The following PDE3B variants were observed in gnomAD, a reference collection of about 807,000 sequenced individuals.
PDE3B encodes the protein phosphodiesterase 3B.
A neutral mutation model predicts 116.8 loss-of-function variants in PDE3B; 66 were observed. The ratio of observed to expected loss-of-function variants is 0.56; its 90% confidence interval spans 0.46 to 0.69. The LOEUF (loss-of-function observed/expected upper bound fraction) is 0.69. Ranked by LOEUF, PDE3B falls within the 30% of genes least tolerant of loss-of-function variation. The pLI is 0.00. For synonymous variants in PDE3B, 595 were observed against 533.6 expected, an observed-to-expected ratio of 1.12 and a Z score of -1.59; for missense variants, 1,384 against 1,368.1, an observed-to-expected ratio of 1.01 and a Z score of -0.18.
At chr11:14,665,556 C>A (rs1854110411) in intron 1 of PDE3B, among the ~76,000 whole-genome samples, 1 of 152,288 alleles carries the variant, frequency 6.6e-6, no homozygotes. Flanking sequence ...AGCTGATAAG[C>A]AACTTCAGCA....
intron 1 of PDE3B, among the ~76,000 whole-genome samples, chr11:14,762,227 T>TC (rs370817055): frequency 6.6e-6 from 1 of 152,044 alleles, no homozygotes; most frequent in African/African-American, 2.4e-5. Flanking sequence ...CAAATACTCC[T>TC]CCTGCCTGGT....
chr11:14,892,242 T>C, the PDE3B span: 2 of 1,585,282 alleles, frequency 1.3e-6, no homozygotes, highest in Non-Finnish European at 1.7e-6. Flanking sequence ...ACAGCAGCCC[T>C]GAGACCCAGG....
chr11:14,708,221 C>T (rs1855588290), intron 1 of PDE3B, among the ~76,000 whole-genome samples: 1 of 152,018 alleles, frequency 6.6e-6, no homozygotes, highest in Admixed American at 6.6e-5. Context: ...CCATCTCTCT[C>T]TTGCTTCTTT....
At chr11:14,872,770 G>A (rs1203582011), downstream of PDE3B, among the ~76,000 whole-genome samples, 2 of 152,046 alleles carry the variant, frequency 1.3e-5, no homozygotes, top group African/African-American at 4.8e-5. Flanking sequence ...ACAAAAAGTT[G>A]GCCCTCTCTA....
chr11:14,832,235 A>G lies in PDE3B; in HGVS notation c.2094+458A>G, dbSNP rs112101851. 4.0e-3 allele frequency among the ~76,000 whole-genome samples: 609 copies of G among 152,332 alleles called. 8 individuals are homozygous for G. Among genetic ancestry groups the G allele is most frequent in the African/African-American group, 0.014 (593 of 41,580 alleles). ...ATACCTGATGGGTCCGCATAACAGC[A>G]TCAGATTAACTGCCCCAAAATATTA... On this transcript the variant is annotated intron_variant, in intron 9 of 15. Transcript: ENST00000282096.
chr11:14,687,314 A>C (rs1854906195), intron 1 of PDE3B, among the ~76,000 whole-genome samples: 3 of 152,208 alleles, frequency 2.0e-5, no homozygotes, highest in Admixed American at 2.0e-4. Flanking sequence ...CTACTTAAAA[A>C]CATTTATGGT....
At chr11:14,841,484 CTCTTA>C (rs915338341) in intron 11 of PDE3B, among the ~76,000 whole-genome samples, 3 of 150,050 alleles carry the variant, frequency 2.0e-5, no homozygotes, top group Non-Finnish European at 4.4e-5. Context: ...ACAAAATGAT[CTCTTA>C]TCTTATAGCG....
chr11:14,772,548 T>TCACA (rs1464536642), intron 2 of PDE3B: 1 of 151,942 alleles, frequency 6.6e-6, no homozygotes, highest in African/African-American at 2.4e-5. Context: ...CTCAGAAGCC[T>TCACA]CACATATGCC....
intron 1 of PDE3B, among the ~76,000 whole-genome samples, chr11:14,770,270 A>G (rs1474485937): frequency 6.6e-6 from 1 of 151,470 alleles, no homozygotes; most frequent in Non-Finnish European, 1.5e-5. Context: ...TTAAGAAAAC[A>G]TCAGATTTAT....
intron 2 of PDE3B, chr11:14,776,452 C>T (rs1338054453): frequency 1.3e-5 from 2 of 152,216 alleles, no homozygotes; most frequent in Non-Finnish European, 2.9e-5. Context: ...GATGACCCAA[C>T]CTGAGGAAGC....
chr11:14,898,035 T>A, the PDE3B span, among the ~76,000 whole-genome samples: 1 of 152,144 alleles, frequency 6.6e-6, no homozygotes, highest in Admixed American at 6.5e-5. Context: ...GTTAGACACA[T>A]CATGGAACCT....
chr11:14,662,169 GC>G, intron 1 of PDE3B, among the ~76,000 whole-genome samples: 1 of 152,308 alleles, frequency 6.6e-6, no homozygotes, highest in Admixed American at 6.5e-5. Context: ...CTGTTCTGCA[GC>G]CACCGCTGCT....
intron 7 of PDE3B, among the ~76,000 whole-genome samples, chr11:14,830,378 T>C (rs568960301): frequency 6.6e-6 from 1 of 152,234 alleles, no homozygotes; most frequent in South Asian, 2.1e-4. Context: ...TGTTGGAAAT[T>C]GTTTATATCA....
intron 4 of PDE3B, among the ~76,000 whole-genome samples, chr11:14,801,581 G>A (rs758402344): frequency 2.2e-4 from 33 of 152,252 alleles, no homozygotes; most frequent in Non-Finnish European, 4.4e-4. Context: ...CCCCTACTGG[G>A]AGGTGTCTTC....
At chr11:14,646,875 G>A (rs1853423418) in intron 1 of PDE3B, among the ~76,000 whole-genome samples, 2 of 151,972 alleles carry the variant, frequency 1.3e-5, no homozygotes, top group African/African-American at 2.4e-5. Context: ...ATTTCTTAGT[G>A]CAGAAAACCC....
At chr11:14,865,260 C>T (rs868940577) in intron 14 of PDE3B, among the ~76,000 whole-genome samples, 4 of 152,070 alleles carry the variant, frequency 2.6e-5, no homozygotes, top group Admixed American at 6.6e-5. Context: ...TTTGGGGTCC[C>T]GTTTTGAGGC....
Position 14,644,871 on chromosome 11 carries a change from T to C in PDE3B, c.796T>C (p.Phe266Leu). 1 of 1,614,018 alleles carries C rather than the reference T, an allele frequency of 6.2e-7. No homozygotes were observed. Among genetic ancestry groups the C allele is most frequent in the South Asian group, 1.1e-5 (1 of 91,078 alleles). Residue 266 changes from phenylalanine to leucine, a missense_variant, in exon 1 of 16, where the codon TTC becomes CTC. By Grantham distance (22) the Phe-to-Leu change is conservative. This residue lies in a region of PDE3B where 956 missense variants were observed against 806.8 expected (regional missense o/e 1.18). Transcript: ENST00000282096. The part of the protein sequence containing the change: ...GCLLALGLDH[F>L]FQIREAPLHP... The stretch of plus-strand genomic sequence containing the variant: ...CCTGCTGGCCCTGGGGTTGGATCAC[T>C]TCTTTCAAATCAGGGAAGCGCCTCT...
At chr11:14,850,684 T>G (rs1847727071) in intron 12 of PDE3B, among the ~76,000 whole-genome samples, 1 of 152,208 alleles carries the variant, frequency 6.6e-6, no homozygotes, top group Admixed American at 6.5e-5. Flanking sequence ...TGGTATATTA[T>G]TTTTGTACCT....
intron 1 of PDE3B, among the ~76,000 whole-genome samples, chr11:14,684,499 G>C (rs1854809212): frequency 1.3e-5 from 2 of 152,196 alleles, no homozygotes; most frequent in Admixed American, 1.3e-4. Context: ...CTACTGATTA[G>C]GGTCTTTGTT....
Sources: allele counts gnomAD v4.1 joint callset (sites outside exome capture counted in the v4.1 genomes callset), GRCh38; gene constraint gnomAD v4.1.1; regional missense constraint gnomAD v4.1.1; transcripts MANE v1.5; gene names NCBI Gene and HGNC (gene_info 2026-07-23, HGNC 2026-07-21).